SGSH: variants seen among roughly 807,000 people sequenced by gnomAD.
The protein encoded by SGSH is heparan sulfate sulfatase.
SGSH carries 48 observed loss-of-function variants against 51.0 expected under a neutral mutation model. The ratio of observed to expected loss-of-function variants is 0.94; its 90% CI spans 0.75 to 1.20. The LOEUF (loss-of-function observed/expected upper bound fraction) is 1.20, where lower values mean the gene tolerates loss of function less well. Ranked by LOEUF, SGSH falls within the 50% of genes most tolerant of loss-of-function variation. SGSH has a pLI of 0.00. For synonymous variants in SGSH, 321 were observed against 313.4 expected, an observed-to-expected ratio of 1.02 and a Z score of -0.26; for missense variants, 662 against 717.8, an observed-to-expected ratio of 0.92 and a Z score of 0.89.
chr17:80,210,465 T>C lies in SGSH; in HGVS notation c.1496A>G (p.His499Arg). Residue 499 changes from histidine (H) to arginine (R), a missense_variant, in exon 8 of 8, where the codon CAC (histidine) becomes CGC (arginine). His to Arg is a conservative substitution (Grantham distance 29, BLOSUM62 0). Coordinates refer to ENST00000326317, the MANE Select transcript of SGSH (RefSeq NM_000199.5). ...CTCCTGGGATGGTCACAGCTCATTG[T>C]GGAGGGGCTGGCACTGGGGAGAGAG... is the stretch of plus-strand genomic sequence containing the variant. Reference protein sequence around the residue: ...EKLSPQCQPLHNEL With the variant: ...EKLSPQCQPLRNEL The C allele has an allele frequency of 6.3e-7, 1 of 1,596,262 alleles. No homozygotes were observed.
In SGSH at chr17:80,210,132, G is replaced by A; in HGVS notation, c.*320C>T. On this transcript the variant is annotated 3_prime_UTR_variant, in exon 8 of 8. Transcript: ENST00000326317. Reference sequence around the variant, plus strand: ...AACAAGACTCCCTTGTCATGGGCTGGGGGCGCTGCCCTGTCCGCAGACCAC... The same window carrying A: ...AACAAGACTCCCTTGTCATGGGCTGAGGGCGCTGCCCTGTCCGCAGACCAC... 7 of 1,243,338 alleles carry A rather than the reference G, an allele frequency of 5.6e-6. No homozygotes were observed. The South Asian group carries it at 8.7e-5, about 16-fold the overall frequency. The allele number at this position is 1,243,338 out of a possible 1,614,324, so 77.0% of individuals were successfully genotyped here.
Position 80,210,297 on chromosome 17 carries a change from G to A in SGSH, c.*155C>T. On this transcript the variant is annotated 3_prime_UTR_variant, in exon 8 of 8. Transcript: ENST00000326317. Reference sequence around the variant, plus strand: ...TGCTCTGGTCCCCCTCCAGGCAATGGCAAGAGTGACCCCACAGGAAGGAAG... The same window carrying A: ...TGCTCTGGTCCCCCTCCAGGCAATGACAAGAGTGACCCCACAGGAAGGAAG... 1.4e-6 allele frequency: 2 copies of A among 1,436,370 alleles called. No homozygotes were observed. The highest frequency in any genetic ancestry group is 1.8e-6 in the Non-Finnish European group (2 of 1,098,992). The allele number at this position is 1,436,370 out of a possible 1,614,324, so 89.0% of individuals were successfully genotyped here. A position where few individuals can be genotyped will look rare whatever the true frequency, so the allele number is the denominator to read the frequency against.
downstream of SGSH, chr17:80,205,000 A>T (rs754798419): frequency 1.3e-6 from 2 of 1,509,708 alleles, no homozygotes; most frequent in South Asian, 2.6e-5. Flanking sequence ...GGGCTGCCGC[A>T]GCCTCACCCA....
chr17:80,208,336 C>T (rs984646773), downstream of SGSH: 2 of 1,595,610 alleles, frequency 1.3e-6, no homozygotes, highest in South Asian at 1.1e-5. Flanking sequence ...CGGAGCAGAG[C>T]CCCCGATGAT....
chr17:80,217,333 C>A (rs1042794207), intron 1 of SGSH, 141 bp from the exon 2 acceptor site: 1 of 938,466 alleles, frequency 1.1e-6, no homozygotes, highest in Non-Finnish European at 1.7e-6. Flanking sequence ...GAACACTCAG[C>A]GCGAAATGCT....
downstream of SGSH, chr17:80,208,313 A>G (rs760244588): frequency 3.7e-6 from 6 of 1,605,994 alleles, no homozygotes; most frequent in South Asian, 3.4e-5. Flanking sequence ...CGAGCAGAAG[A>G]AGGTGGTGTG....
At chr17:80,203,729 G>T (rs958635841), downstream of SGSH, 1 of 906,728 alleles carries the variant, frequency 1.1e-6, no homozygotes, top group Non-Finnish European at 1.7e-6. The surrounding 1 kb of genome is among the most constrained non-coding windows in gnomAD (Gnocchi z 4.6). Context: ...TCTCCCACCC[G>T]GCCATCTCCC....
downstream of SGSH, chr17:80,208,119 C>CA (rs763555855): frequency 2.4e-5 from 36 of 1,501,218 alleles, no homozygotes; most frequent in Non-Finnish European, 2.6e-5. Flanking sequence ...CCCGCCCCCC[C>CA]CAACTCTGGC....
chr17:80,215,417 C>T (rs1487873152), intron 2 of SGSH, among the ~76,000 whole-genome samples: 1 of 152,248 alleles, frequency 6.6e-6, no homozygotes, highest in Non-Finnish European at 1.5e-5. Flanking sequence ...CGTATCCGTA[C>T]TTTTGAACTC....
intron 1 of SGSH, 125 bp downstream of exon 1, chr17:80,220,101 A>C: frequency 2.4e-5 from 15 of 619,486 alleles, no homozygotes; most frequent in East Asian, 6.8e-5. Context: ...ACGAGAGGGA[A>C]TGGCAGCGGG....
downstream of SGSH, chr17:80,206,938 C>A: frequency 6.5e-7 from 1 of 1,543,528 alleles, no homozygotes; most frequent in Non-Finnish European, 8.9e-7. Context: ...GGCCTGTGAT[C>A]TTGACTCACT....
chr17:80,213,634 T>C lies in SGSH; in HGVS notation c.745+170A>G. On this transcript the variant is annotated intron_variant, in intron 6 of 7. Coordinates refer to ENST00000326317, the MANE Select transcript of SGSH (RefSeq NM_000199.5). This position sits in a 1 kb window ranked among gnomAD's most constrained non-coding sequence, Gnocchi z 4.6. The stretch of plus-strand genomic sequence containing the variant: ...TCAGGGCAGCCCCGGGGTTGGGTCC[T>C]GATGCCACCCACAGGCCCCTCCTCT... The C allele has an allele frequency of 1.5e-6, 1 of 672,982 alleles. No homozygotes were observed. The highest frequency in any genetic ancestry group is 2.7e-5 in the East Asian group (1 of 36,602). 41.7% of individuals were successfully genotyped at this position (672,982 alleles called of 1,614,324 possible).
At chr17:80,211,931 G>T in intron 7 of SGSH, 140 bp downstream of exon 7, 1 of 729,426 alleles carries the variant, frequency 1.4e-6, no homozygotes, top group Non-Finnish European at 2.4e-6. Context: ...CCTCTGTAGA[G>T]TGGGAGTGAC....
chr17:80,214,746 G>T lies in SGSH; in HGVS notation c.375C>A (p.His125Gln), dbSNP rs774482734. 2 of 1,612,450 alleles carry T rather than the reference G, an allele frequency of 1.2e-6. No individual in the cohort carries two copies. The highest frequency in any genetic ancestry group is 1.1e-5 in the South Asian group (1 of 91,088). Reference protein sequence around the residue: ...GVRTGIIGKKHVGPETVYPFD... With the variant: ...GVRTGIIGKKQVGPETVYPFD... ...ACGGGTACACGGTCTCCGGCCCCAC[G>T]TGCTTCTTCCCGATGATGCCTGGGC... The change falls in exon 4 of 8, where the codon CAC becomes CAA. Residue 125 changes from histidine to glutamine, a missense_variant. Coordinates refer to ENST00000326317, the MANE Select transcript of SGSH (RefSeq NM_000199.5).
rs1251376185 is a variant in SGSH, at chr17:80,213,843, G to A, written c.706C>T (p.Leu236=). 1 of 1,608,686 alleles carries A rather than the reference G, an allele frequency of 6.2e-7. No individual in the cohort carries two copies. Among genetic ancestry groups the A allele is most frequent in the Non-Finnish European group, 8.5e-7 (1 of 1,179,310 alleles). Residue 236 remains leucine, a synonymous_variant, in exon 6 of 8, where the codon CTG becomes TTG. Coordinates refer to ENST00000326317, the MANE Select transcript of SGSH (RefSeq NM_000199.5). This position sits in a 1 kb window ranked among gnomAD's most constrained non-coding sequence, Gnocchi z 4.6. ...VPNTPAARAD[L]AAQYTTVGRM... ...CCGACGGTGGTGTACTGAGCGGCCAGGTCGGCTCGGGCTGCCGGGGTGTTG... is the reference window on the plus strand; with the variant it reads ...CCGACGGTGGTGTACTGAGCGGCCAAGTCGGCTCGGGCTGCCGGGGTGTTG...
intron 2 of SGSH, among the ~76,000 whole-genome samples, chr17:80,215,733 G>C (rs1251407444): frequency 1.3e-5 from 2 of 151,852 alleles, no homozygotes; most frequent in Non-Finnish European, 2.9e-5. Context: ...GTAGGAGAAT[G>C]GCTTGAATCT....
intron 2 of SGSH, among the ~76,000 whole-genome samples, chr17:80,216,302 C>A (rs1285854581): frequency 6.6e-6 from 1 of 151,900 alleles, no homozygotes; most frequent in Non-Finnish European, 1.5e-5. Context: ...GCACTCCAGC[C>A]TGGGTGACAG....
chr17:80,201,644 G>A, the SGSH span: 2 of 1,287,970 alleles, frequency 1.6e-6, no homozygotes, highest in Non-Finnish European at 1.1e-6. The surrounding 1 kb of genome is among the most constrained non-coding windows in gnomAD (Gnocchi z 5.0). Flanking sequence ...CTACGGCAGG[G>A]CTGGCCCGCG....
downstream of SGSH, chr17:80,205,244 T>TTCCC (rs1432629128): frequency 1.3e-6 from 2 of 1,541,638 alleles, no homozygotes; most frequent in East Asian, 4.6e-5. Flanking sequence ...CCCTTCCACC[T>TTCCC]TCCCTCCCTC....
Sources: gnomAD v4.1 joint callset for allele counts (sites outside exome capture counted in the v4.1 genomes callset) on GRCh38, gnomAD v4.1.1 for gene constraint, Gnocchi (gnomAD v3.1) non-coding constraint, MANE v1.5 for transcripts, NCBI Gene and HGNC (gene_info 2026-07-23, HGNC 2026-07-21) for gene names.